TRPM1: variants seen among roughly 807,000 people sequenced by gnomAD.
TRPM1 encodes the protein transient receptor potential cation channel subfamily M member 1, also known as TRPM1-203 APA Isoform, Intron 10.
TRPM1 carries 113 observed loss-of-function variants against 149.4 expected under a neutral mutation model. The observed-to-expected ratio is 0.76, with a 90% CI of 0.65 to 0.88. TRPM1 has a LOEUF of 0.88. Ranked by LOEUF, TRPM1 falls within the 40% of genes least tolerant of loss-of-function variation. The pLI is 0.00. For synonymous variants in TRPM1, 741 were observed against 759.5 expected, an observed-to-expected ratio of 0.98 and a Z score of 0.40; for missense variants, 1,976 against 2,038.7, an observed-to-expected ratio of 0.97 and a Z score of 0.59.
At chr15:31,033,090 G>T in intron 21 of TRPM1, 150 bp from the exon 22 acceptor site, 1 of 1,064,234 alleles carries the variant, frequency 9.4e-7, no homozygotes, top group Non-Finnish European at 1.4e-6. Flanking sequence ...CTCAGGCAGG[G>T]AGAGATATCT....
chr15:31,134,230 A>C lies in TRPM1; in HGVS notation c.54+26676T>G, dbSNP rs150106713. Among the ~76,000 whole-genome samples, 1,445 of 152,324 alleles carry C rather than the reference A, an allele frequency of 9.5e-3. 25 individuals carry two copies. Among genetic ancestry groups the C allele is most frequent in the Admixed American group, 0.042 (643 of 15,304 alleles). ...TGGACTGCTTCTAAGAATCTTAATC[A>C]TCTATGTTCTAAAATGCAGAGAAGC... On this transcript the variant is annotated intron_variant, in intron 1 of 26. Coordinates refer to the TRPM1 transcript ENST00000542188.
At chr15:31,103,258 C>T (rs1026809616), upstream of TRPM1, among the ~76,000 whole-genome samples, 2 of 152,162 alleles carry the variant, frequency 1.3e-5, no homozygotes, top group African/African-American at 4.8e-5. Flanking sequence ...AAGAGAACAC[C>T]CCTCCTCCCC....
intron 1 of TRPM1, among the ~76,000 whole-genome samples, chr15:31,149,126 A>G (rs543687454): frequency 4.6e-5 from 7 of 152,206 alleles, no homozygotes; most frequent in Non-Finnish European, 1.0e-4. Context: ...AATGTCCCAG[A>G]TCTACGTGGA....
intron 1 of TRPM1, among the ~76,000 whole-genome samples, chr15:31,088,978 C>T (rs1186589223): frequency 6.6e-6 from 1 of 152,194 alleles, no homozygotes; most frequent in East Asian, 1.9e-4. Context: ...CCAGCACTTT[C>T]TTGGCTGATG....
At chr15:31,086,315 C>T (rs1302421634) in intron 1 of TRPM1, among the ~76,000 whole-genome samples, 1 of 152,230 alleles carries the variant, frequency 6.6e-6, no homozygotes, top group Non-Finnish European at 1.5e-5. Context: ...TCCTGCGAGG[C>T]ATCAGACTGG....
intron 1 of TRPM1, among the ~76,000 whole-genome samples, chr15:31,134,429 C>A (rs1383517775): frequency 6.6e-6 from 1 of 152,136 alleles, no homozygotes; most frequent in African/African-American, 2.4e-5. Context: ...AGAAGTTACC[C>A]TTTTGCAAGG....
rs62038945 is a variant in TRPM1 at position 31,088,059 on chromosome 15, A to G, written c.-83-6621T>C. 1.7e-3 allele frequency among the ~76,000 whole-genome samples: 266 copies of G among 152,314 alleles called. 2 individuals are homozygous for G. The highest frequency in any genetic ancestry group is 6.0e-3 in the Admixed American group (92 of 15,304). Reference sequence around the variant, plus strand: ...TGCGCTTCACTCTAGTCCTTGTGAGAGGTGCAGCCGACTGGGCTTCTGGGT... The same window carrying G: ...TGCGCTTCACTCTAGTCCTTGTGAGGGGTGCAGCCGACTGGGCTTCTGGGT... On this transcript the variant is annotated intron_variant, in intron 1 of 27. Coordinates refer to ENST00000256552, the MANE Select transcript of TRPM1 (RefSeq NM_001252024.2).
intron 1 of TRPM1, among the ~76,000 whole-genome samples, chr15:31,132,302 C>T (rs1442327548): frequency 2.0e-5 from 3 of 152,226 alleles, no homozygotes; most frequent in Non-Finnish European, 2.9e-5. Context: ...GGCCCGTTTC[C>T]CACAGGCCCT....
chr15:31,128,309 C>T (rs758360931), intron 1 of TRPM1, among the ~76,000 whole-genome samples: 17 of 152,162 alleles, frequency 1.1e-4, no homozygotes, highest in East Asian at 5.8e-4. Context: ...CTGTGCCCAC[C>T]GGCTGCCGTG....
rs78159810 is a variant in TRPM1 at position 31,127,737 on chromosome 15, G to A, written c.54+33169C>T. 6.8e-3 allele frequency among the ~76,000 whole-genome samples: 1,033 copies of A among 152,282 alleles called. 9 individuals are homozygous for A. The highest frequency in any genetic ancestry group is 0.017 in the Middle Eastern group (5 of 294). Reference sequence around the variant, plus strand: ...TCAAGAGGCGCTGGGTGGAAGGGGTGGAGGGTGAGCATCTAGATCTCACAG... The same window carrying A: ...TCAAGAGGCGCTGGGTGGAAGGGGTAGAGGGTGAGCATCTAGATCTCACAG... On this transcript the variant is annotated intron_variant, in intron 1 of 26. Coordinates refer to the TRPM1 transcript ENST00000542188.
rs755544346 is a variant in TRPM1 at position 31,077,004 on chromosome 15, G to A, written c.4-20C>T. On this transcript the variant is annotated intron_variant, in intron 2 of 27. Transcript: ENST00000256552. ...CTGACCCTGGAAGAGAGAGAGAAGTGGATATTGGACCAATACATTCCCAAG... is the reference window on the plus strand; with the variant it reads ...CTGACCCTGGAAGAGAGAGAGAAGTAGATATTGGACCAATACATTCCCAAG... The A allele has an allele frequency of 9.0e-6, 14 of 1,555,564 alleles. No homozygotes were observed. The highest frequency in any genetic ancestry group is 1.2e-5 in the Non-Finnish European group (13 of 1,127,650).
At chr15:31,140,813 CTTTGTTTG>C (rs200139571) in intron 1 of TRPM1, among the ~76,000 whole-genome samples, 8 of 151,790 alleles carry the variant, frequency 5.3e-5, no homozygotes, top group African/African-American at 1.9e-4. Context: ...ATTTTATAAT[CTTTGTTTG>C]TTTGTTTGTT....
intron 7 of TRPM1, among the ~76,000 whole-genome samples, chr15:31,064,461 G>A (rs2034315204): frequency 6.6e-6 from 1 of 152,180 alleles, no homozygotes; most frequent in Admixed American, 6.5e-5. Context: ...CCAGGAAGTT[G>A]GGATTCTGGA....
intron 11 of TRPM1, chr15:31,060,312 A>C: frequency 3.4e-6 from 2 of 586,348 alleles, no homozygotes; most frequent in Middle Eastern, 4.4e-4. Flanking sequence ...AGCAACGATA[A>C]AATATTTGGT....
intron 1 of TRPM1, among the ~76,000 whole-genome samples, chr15:31,154,311 A>T (rs1288823331): frequency 6.6e-6 from 1 of 152,202 alleles, no homozygotes. Context: ...GTGAAGCCAT[A>T]GAGAGATGGG....
chr15:31,006,601 G>A (rs1288037905), intron 27 of TRPM1, among the ~76,000 whole-genome samples: 2 of 152,210 alleles, frequency 1.3e-5, no homozygotes, highest in African/African-American at 4.8e-5. Flanking sequence ...GTGTGAACAT[G>A]TTTTCATTTC....
chr15:31,094,315 T>C (rs1466017724), intron 1 of TRPM1, among the ~76,000 whole-genome samples: 2 of 152,164 alleles, frequency 1.3e-5, no homozygotes, highest in East Asian at 3.8e-4. Flanking sequence ...TTTATAGATA[T>C]GATACCATAA....
At chr15:31,120,331 G>A (rs73375964) in intron 1 of TRPM1, among the ~76,000 whole-genome samples, 1 of 151,970 alleles carries the variant, frequency 6.6e-6, no homozygotes, top group African/African-American at 2.4e-5. Flanking sequence ...ATAATAAAGG[G>A]GTCAGTTCTC....
chr15:31,016,988 C>CACAA (rs1257620077), intron 27 of TRPM1, among the ~76,000 whole-genome samples: 2 of 102,546 alleles, frequency 2.0e-5, no homozygotes, highest in African/African-American at 5.4e-5. Context: ...CACACACACA[C>CACAA]AAAAAAAAAA....
Sources: allele counts gnomAD v4.1 joint callset (sites outside exome capture counted in the v4.1 genomes callset), GRCh38; gene constraint gnomAD v4.1.1; transcripts MANE v1.5; gene names NCBI Gene and HGNC (gene_info 2026-07-23, HGNC 2026-07-21).